GPR158: variants seen among roughly 807,000 people sequenced by gnomAD.
GPR158 encodes the protein G protein-coupled receptor 158, also known as metabotropic glycine receptor.
Under a neutral mutation model 78.2 loss-of-function variants are expected in GPR158, and 30 were observed. The observed-to-expected ratio is 0.38, with a 90% CI of 0.29 to 0.52. The LOEUF is 0.52. GPR158 is among the 20% of genes least tolerant of loss of function. GPR158 has a pLI of 0.83. For missense variants in GPR158, 1,463 were observed against 1,523.5 expected, an observed-to-expected ratio of 0.96 and a Z score of 0.66; for synonymous variants, 581 against 591.1, an observed-to-expected ratio of 0.98 and a Z score of 0.25.
chr10:25,302,763 A>G (rs1224238660), intron 2 of GPR158, among the ~76,000 whole-genome samples: 1 of 152,190 alleles, frequency 6.6e-6, no homozygotes, highest in African/African-American at 2.4e-5. Context: ...AGTGCTATCT[A>G]ATAGAACTTT....
chr10:25,431,271 C>T (rs1300357007), intron 4 of GPR158, among the ~76,000 whole-genome samples: 1 of 129,906 alleles, frequency 7.7e-6, no homozygotes, highest in African/African-American at 2.8e-5. Context: ...CTCATCATCA[C>T]TGGCCATCAG....
chr10:25,562,596 G>A (rs72788296), intron 6 of GPR158, among the ~76,000 whole-genome samples: 7,735 of 152,096 alleles, frequency 0.051, 250 homozygotes, highest in Admixed American at 0.088. Flanking sequence ...TGTTCCTTCT[G>A]TTATTGATTT....
At chr10:25,195,349 G>A (rs183652458) in intron 1 of GPR158, among the ~76,000 whole-genome samples, 2 of 152,126 alleles carry the variant, frequency 1.3e-5, no homozygotes, top group African/African-American at 2.4e-5. Context: ...GGGACTACAG[G>A]CATGCACCAC....
intron 5 of GPR158, among the ~76,000 whole-genome samples, chr10:25,487,094 G>A (rs1382565287): frequency 6.6e-6 from 1 of 152,026 alleles, no homozygotes; most frequent in Non-Finnish European, 1.5e-5. Context: ...ACAGGTTCCT[G>A]GGATTAAGAG....
chr10:25,238,944 G>C (rs558123020), intron 2 of GPR158, among the ~76,000 whole-genome samples: 1 of 152,256 alleles, frequency 6.6e-6, no homozygotes, highest in Non-Finnish European at 1.5e-5. Context: ...AACTGAAAAA[G>C]ATCTCAAGGG....
chr10:25,570,608 T>G (rs943446954), intron 6 of GPR158, among the ~76,000 whole-genome samples: 1 of 152,094 alleles, frequency 6.6e-6, no homozygotes, highest in African/African-American at 2.4e-5. Context: ...TCAAGAGAGG[T>G]TTCATAGAAA....
chr10:25,303,642 A>G (rs1456755256), intron 2 of GPR158, among the ~76,000 whole-genome samples: 1 of 152,246 alleles, frequency 6.6e-6, no homozygotes, highest in Non-Finnish European at 1.5e-5. Context: ...CGCCTTTATC[A>G]AAATAAATTC....
At chr10:25,448,083 C>CTTTTTTT (rs35421884) in intron 4 of GPR158, among the ~76,000 whole-genome samples, 2 of 118,148 alleles carry the variant, frequency 1.7e-5, no homozygotes, top group African/African-American at 6.4e-5. Context: ...TGTCTGACTT[C>CTTTTTTT]TTTTTTTTTT....
intron 1 of GPR158, among the ~76,000 whole-genome samples, chr10:25,184,043 A>G (rs1322376914): frequency 6.6e-6 from 1 of 152,218 alleles, no homozygotes; most frequent in Non-Finnish European, 1.5e-5. Context: ...GCCATTTTAT[A>G]TTTGATGAAA....
chr10:25,211,358 G>T (rs1853127612), intron 1 of GPR158, among the ~76,000 whole-genome samples: 2 of 152,140 alleles, frequency 1.3e-5, no homozygotes, highest in African/African-American at 4.8e-5. Context: ...CACAATTCCG[G>T]AGGCCAGGAA....
At chr10:25,325,237 T>G (rs748328833) in intron 2 of GPR158, among the ~76,000 whole-genome samples, 2 of 152,142 alleles carry the variant, frequency 1.3e-5, no homozygotes, top group Non-Finnish European at 2.9e-5. Flanking sequence ...GATTCGAGCA[T>G]AAAAACTGTG....
At chr10:25,557,882 T>A (rs897907222) in intron 6 of GPR158, among the ~76,000 whole-genome samples, 15 of 152,202 alleles carry the variant, frequency 9.9e-5, no homozygotes, top group Non-Finnish European at 1.9e-4. Context: ...CTATTGGATA[T>A]GAATAAAATC....
intron 2 of GPR158, among the ~76,000 whole-genome samples, chr10:25,272,120 C>T (rs2130743964): frequency 6.6e-6 from 1 of 152,256 alleles, no homozygotes; most frequent in African/African-American, 2.4e-5. Flanking sequence ...CTCTGATCCT[C>T]AGAGGTTAAG....
At chr10:25,589,202 T>A in intron 8 of GPR158, 57 bp downstream of exon 8, 1 of 1,261,336 alleles carries the variant, frequency 7.9e-7, no homozygotes. Context: ...GTGTTGCTGT[T>A]TAAATAACAA....
intron 2 of GPR158, among the ~76,000 whole-genome samples, chr10:25,228,235 C>A (rs1853400580): frequency 6.6e-6 from 1 of 151,744 alleles, no homozygotes; most frequent in Admixed American, 6.6e-5. Context: ...TGATTGTGCC[C>A]CTGCACTTCA....
intron 10 of GPR158, 63 bp downstream of exon 10, chr10:25,596,852 G>A: frequency 8.9e-6 from 13 of 1,463,282 alleles, no homozygotes; most frequent in Non-Finnish European, 1.2e-5. Flanking sequence ...AGGCAGGCGT[G>A]TGTGGGTTGG....
intron 5 of GPR158, among the ~76,000 whole-genome samples, chr10:25,498,178 T>C (rs544009921): frequency 2.0e-5 from 3 of 152,276 alleles, no homozygotes; most frequent in Non-Finnish European, 4.4e-5. Context: ...AACTACAGTA[T>C]TACCAGGCTT....
At chr10:25,237,938 T>A (rs987428481) in intron 2 of GPR158, among the ~76,000 whole-genome samples, 2 of 150,568 alleles carry the variant, frequency 1.3e-5, no homozygotes, top group Non-Finnish European at 2.9e-5. Context: ...TTCCCTCCCT[T>A]TCTCACTCCC....
chr10:25,238,138 AT>A (rs1355198294), intron 2 of GPR158, among the ~76,000 whole-genome samples: 2 of 152,064 alleles, frequency 1.3e-5, no homozygotes, highest in East Asian at 3.9e-4. Context: ...AGATGCTCTC[AT>A]TTCCAAAAAG....
Sources: gnomAD v4.1 joint callset for allele counts (sites outside exome capture counted in the v4.1 genomes callset) on GRCh38, gnomAD v4.1.1 for gene constraint, MANE v1.5 for transcripts, NCBI Gene and HGNC (gene_info 2026-07-23, HGNC 2026-07-21) for gene names.